PTDSS2: variants seen among roughly 807,000 people sequenced by gnomAD.
The protein encoded by PTDSS2 is PSS-2.
PTDSS2 carries 41 observed loss-of-function variants against 64.7 expected under a neutral mutation model. That is an observed-to-expected ratio of 0.63 (90% confidence interval 0.49 to 0.82). PTDSS2 has a LOEUF of 0.82. PTDSS2 is among the 40% of genes least tolerant of loss of function. The pLI, the probability that PTDSS2 is intolerant of heterozygous loss-of-function variation, is 0.00. For missense variants in PTDSS2, 485 were observed against 650.0 expected, an observed-to-expected ratio of 0.75 and a Z score of 2.76; for synonymous variants, 297 against 277.8, an observed-to-expected ratio of 1.07 and a Z score of -0.69.
At chr11:456,108 T>C (rs1187557008) in intron 1 of PTDSS2, among the ~76,000 whole-genome samples, 2 of 152,130 alleles carry the variant, frequency 1.3e-5, no homozygotes, top group Non-Finnish European at 2.9e-5. Flanking sequence ...ATCACGTCGT[T>C]GGCTTTGCGA....
rs1317385294 is a variant in PTDSS2 at position 476,198 on chromosome 11, C to T, written c.367+2221C>T. ...GGCTGACAGCTGTGTGGGAAGGGCC[C>T]AGGGCCCTGTCTGCCCAGCCGGCTG... On this transcript the variant is annotated intron_variant, in intron 3 of 11. Transcript: ENST00000308020. The surrounding 1 kb of genome is among the most constrained non-coding windows in gnomAD (Gnocchi z 4.9). Among the ~76,000 whole-genome samples, 4 of 152,324 alleles carry T rather than the reference C, an allele frequency of 2.6e-5. 1 individual carries two copies. In the Middle Eastern group the frequency reaches 0.014, roughly 518 times the overall value.
intron 2 of PTDSS2, among the ~76,000 whole-genome samples, chr11:466,964 A>G (rs1038644566): frequency 6.6e-6 from 1 of 152,166 alleles, no homozygotes; most frequent in African/African-American, 2.4e-5. Context: ...CTGAGGTGGG[A>G]GGATCCCTTG....
At chr11:486,511 G>A (rs563675841) in intron 4 of PTDSS2, among the ~76,000 whole-genome samples, 3 of 152,182 alleles carry the variant, frequency 2.0e-5, no homozygotes, top group African/African-American at 7.2e-5. Flanking sequence ...GAGACAGGGC[G>A]CTGCCCTCCT....
rs2133785905 is a variant in PTDSS2, at chr11:467,197, A to G, written c.285-6698A>G. On this transcript the variant is annotated intron_variant, in intron 2 of 11. Coordinates refer to ENST00000308020, the MANE Select transcript of PTDSS2 (RefSeq NM_030783.3). ...CAAAGGCAAAACTTTGTCTCAAAAC[A>G]AAGCAAAACCTGGGTGAAAGGTCTA... Among the ~76,000 whole-genome samples, 3 of 152,136 alleles carry G rather than the reference A, an allele frequency of 2.0e-5. 1 individual carries two copies. The highest frequency in any genetic ancestry group is 3.4e-3 in the Middle Eastern group (1 of 292).
In PTDSS2 at chr11:491,381, GCTTCCAGCCCT is replaced by G. The variant is rs1364525251; in HGVS notation, c.*801_*811del. On this transcript the variant is annotated 3_prime_UTR_variant, in exon 12 of 12. Coordinates refer to ENST00000308020, the MANE Select transcript of PTDSS2 (RefSeq NM_030783.3). ...AATAAAGTGACAACGAACGTCTGAG[GCTTCCAGCCCT>G]CCCCCCAGCTCCCCGTGTCCTGCTT... The G allele has an allele frequency of 6.6e-6, 1 of 152,448 alleles. No individual in the cohort carries two copies. Among genetic ancestry groups the G allele is most frequent in the African/African-American group, 2.4e-5 (1 of 41,454 alleles). 9.4% of individuals were successfully genotyped at this position (152,448 alleles called of 1,614,324 possible). A position where few individuals can be genotyped will look rare whatever the true frequency, so the allele number is the denominator to read the frequency against.
Position 490,405 on chromosome 11 carries a change from C to T in PTDSS2, c.1302-15C>T, listed in dbSNP as rs1848620491. The stretch of plus-strand genomic sequence containing the variant: ...GGTGTGGGGGCAGGTGGTGACGCTG[C>T]ATCCCGCTCCCCAGGGACATCACAT... On this transcript the variant is annotated splice_polypyrimidine_tract_variant and intron_variant, in intron 11 of 11. Coordinates refer to ENST00000308020, the MANE Select transcript of PTDSS2 (RefSeq NM_030783.3). 2.5e-6 allele frequency: 4 copies of T among 1,613,152 alleles called. No individual in the cohort carries two copies. The African/African-American group carries it at 4.0e-5, about 16-fold the overall frequency.
chr11:456,054 C>G (rs1245749280), intron 1 of PTDSS2, among the ~76,000 whole-genome samples: 2 of 152,222 alleles, frequency 1.3e-5, no homozygotes, highest in Non-Finnish European at 2.9e-5. Context: ...GGTGCCCTGG[C>G]CCGGGGCACG....
chr11:448,889 C>T (rs1846202298), upstream of PTDSS2, among the ~76,000 whole-genome samples: 1 of 152,186 alleles, frequency 6.6e-6, no homozygotes, highest in Admixed American at 6.5e-5. Context: ...AATATTACAG[C>T]ACTTTCATCG....
intron 3 of PTDSS2, among the ~76,000 whole-genome samples, chr11:475,184 A>T (rs1564979743): frequency 2.1e-5 from 3 of 141,058 alleles, no homozygotes; most frequent in African/African-American, 8.2e-5. Context: ...GGACATATTC[A>T]CGCGTTTATG....
At chr11:474,106 G>A (rs1847606840) in intron 3 of PTDSS2, 129 bp downstream of exon 3, 1 of 789,030 alleles carries the variant, frequency 1.3e-6, no homozygotes, top group Non-Finnish European at 2.2e-6. Flanking sequence ...AGGCCTCCGA[G>A]GCCACTTCCC....
intron 3 of PTDSS2, among the ~76,000 whole-genome samples, chr11:475,034 TTGTG>T (rs1228402776): frequency 7.1e-6 from 1 of 140,172 alleles, no homozygotes; most frequent in African/African-American, 2.7e-5. Context: ...ATTCACGTGT[TTGTG>T]TGATACGGAC....
chr11:449,192 C>T (rs1465517510), upstream of PTDSS2, among the ~76,000 whole-genome samples: 1 of 152,058 alleles, frequency 6.6e-6, no homozygotes. Context: ...CTCAGCCTCC[C>T]GAGTAGCTAG....
At position 470,188 on chromosome 11, in the gene PTDSS2, C is replaced by T. The variant is rs551638705; in HGVS notation, c.285-3707C>T. Reference sequence around the variant, plus strand: ...GGCAGTGGGAGGAGGACGCTGCAGCCGAGGTGCCCGCAGACACCCCCAAGC... The same window carrying T: ...GGCAGTGGGAGGAGGACGCTGCAGCTGAGGTGCCCGCAGACACCCCCAAGC... On this transcript the variant is annotated intron_variant, in intron 2 of 11. Transcript: ENST00000308020. The surrounding 1 kb of genome is among the most constrained non-coding windows in gnomAD (Gnocchi z 5.3). Among the ~76,000 whole-genome samples the T allele has an allele frequency of 1.9e-3, 291 of 152,284 alleles. 1 individual carries two copies. Among genetic ancestry groups the T allele is most frequent in the African/African-American group, 6.8e-3 (284 of 41,554 alleles).
At position 489,878 on chromosome 11, in the gene PTDSS2, T is replaced by C; in HGVS notation, c.1116-5T>C. The C allele has an allele frequency of 1.9e-6, 3 of 1,578,588 alleles. No homozygotes were observed. The highest frequency in any genetic ancestry group is 2.3e-5 in the East Asian group (1 of 43,602). ...GGGACGCTGAACCCCCTGCTGCCCC[T>C]GCAGGAAGCCCCACAAGAAGCTGGG... On this transcript the variant is annotated splice_region_variant and splice_polypyrimidine_tract_variant and intron_variant, in intron 10 of 11. Transcript: ENST00000308020.
intron 1 of PTDSS2, 58 bp downstream of exon 1, chr11:450,695 C>T: frequency 8.2e-7 from 1 of 1,224,786 alleles, no homozygotes. Context: ...GGGGTTCCGG[C>T]ACCGCTGGCC....
rs368362450 is a variant in PTDSS2 at position 479,063 on chromosome 11, G to A, written c.368-22G>A. 76 of 1,612,622 alleles carry A rather than the reference G, an allele frequency of 4.7e-5. No individual in the cohort carries two copies. The Middle Eastern group carries it at 6.6e-4, about 14-fold the overall frequency. On this transcript the variant is annotated intron_variant, in intron 3 of 11. Coordinates refer to ENST00000308020, the MANE Select transcript of PTDSS2 (RefSeq NM_030783.3). This position sits in a 1 kb window ranked among gnomAD's most constrained non-coding sequence, Gnocchi z 4.2. ...GGAGGCCTGGACCGGGCGCACTAACGTTCTGTCGTCTGTCTTTGTAGCTTA... is the reference window on the plus strand; with the variant it reads ...GGAGGCCTGGACCGGGCGCACTAACATTCTGTCGTCTGTCTTTGTAGCTTA...
At chr11:468,197 C>A (rs1270355681) in intron 2 of PTDSS2, among the ~76,000 whole-genome samples, 2 of 152,218 alleles carry the variant, frequency 1.3e-5, no homozygotes, top group African/African-American at 2.4e-5. Context: ...TCTATAAATA[C>A]ACATTCCTAA....
chr11:488,586 C>G lies in PTDSS2; in HGVS notation c.793C>G (p.Leu265Val), dbSNP rs1848514525. The G allele has an allele frequency of 6.2e-7, 1 of 1,613,420 alleles. No homozygotes were observed. Among genetic ancestry groups the G allele is most frequent in the Non-Finnish European group, 8.5e-7 (1 of 1,179,968 alleles). ...GGGCATCTACTGCGGCATGAAGACC[C>G]TTGAGTGGCTGTCCCTGAAGACGTA... ...GLGIYCGMKT[L>V]EWLSLKTYKW... Residue 265 changes from leucine (L) to valine (V), a missense_variant, in exon 8 of 12, where the codon CTT becomes GTT. Transcript: ENST00000308020.
intron 1 of PTDSS2, among the ~76,000 whole-genome samples, chr11:456,170 C>CTTTTTT (rs71022912): frequency 9.1e-4 from 104 of 114,872 alleles, no homozygotes; most frequent in Non-Finnish European, 1.3e-3. Context: ...TTCTTTCATT[C>CTTTTTT]TTTTTTTTTT....
Sources: allele counts gnomAD v4.1 joint callset (sites outside exome capture counted in the v4.1 genomes callset), GRCh38; gene constraint gnomAD v4.1.1; non-coding constraint Gnocchi (gnomAD v3.1); transcripts MANE v1.5; gene names NCBI Gene and HGNC (gene_info 2026-07-23, HGNC 2026-07-21).